Variants in MAML3 observed in about 807,000 individuals in gnomAD.
MAML3 encodes the protein mastermind like transcriptional coactivator 3, also known as mastermind-like protein 3.
Under a neutral mutation model 101.9 loss-of-function variants are expected in MAML3, and 27 were observed. The observed-to-expected ratio is 0.27, with a 90% CI of 0.20 to 0.37. The LOEUF is 0.37. Among genes scored for constraint, MAML3 ranks in the 10% least tolerant of loss-of-function variants. The pLI is 1.00. For synonymous variants in MAML3, 501 were observed against 555.9 expected (o/e 0.90, Z 1.39); for missense variants, 1,316 against 1,444.9 (o/e 0.91, Z 1.45).
chr4:140,113,939 GT>G (rs1331803198), intron 1 of MAML3, among the ~76,000 whole-genome samples: 1 of 152,058 alleles, frequency 6.6e-6, no homozygotes, highest in African/African-American at 2.4e-5. Context: ...CTCCCACCCC[GT>G]TTTACCCCAT....
At chr4:139,824,844 C>A (rs1270389189) in intron 2 of MAML3, among the ~76,000 whole-genome samples, 1 of 151,334 alleles carries the variant, frequency 6.6e-6, no homozygotes, top group Non-Finnish European at 1.5e-5. Flanking sequence ...CTACTTACCA[C>A]CCCCGCCCCA....
In MAML3 at chr4:139,718,000, G is replaced by A. The variant is rs72728790; in HGVS notation, c.*1323C>T. On this transcript the variant is annotated 3_prime_UTR_variant, in exon 5 of 5. Coordinates refer to ENST00000509479, the MANE Select transcript of MAML3 (RefSeq NM_018717.5). Reference sequence around the variant, plus strand: ...TTTCTATCCAAATTTGTAAGGTGGAGCAATTGCTTTTTTAGCTCCTCCACC... The same window carrying A: ...TTTCTATCCAAATTTGTAAGGTGGAACAATTGCTTTTTTAGCTCCTCCACC... 1.3e-5 allele frequency: 2 copies of A among 152,180 alleles called. No homozygotes were observed. Among genetic ancestry groups the A allele is most frequent in the Admixed American group, 6.5e-5 (1 of 15,280 alleles). The allele number at this position is 152,180 out of a possible 1,614,324, so 9.4% of individuals were successfully genotyped here.
chr4:140,142,479 A>G (rs1361634413), intron 1 of MAML3, among the ~76,000 whole-genome samples: 2 of 152,210 alleles, frequency 1.3e-5, no homozygotes, highest in East Asian at 1.9e-4. Flanking sequence ...TCCCTCTCCA[A>G]TGTTCCAGCC....
rs72714207 is a variant in MAML3 at position 140,063,171 on chromosome 4, C to T, written c.468+89689G>A. Among the ~76,000 whole-genome samples the T allele has an allele frequency of 7.8e-3, 1,194 of 152,150 alleles. 8 individuals carry two copies. Among genetic ancestry groups the T allele is most frequent in the Middle Eastern group, 0.014 (4 of 294 alleles). On this transcript the variant is annotated intron_variant, in intron 1 of 4. Coordinates refer to ENST00000509479, the MANE Select transcript of MAML3 (RefSeq NM_018717.5). ...AAGAAGCATGGCCAGAACTCAAGTT[C>T]GCTGGATTTCAAAGCCAAACAATTT...
intron 1 of MAML3, among the ~76,000 whole-genome samples, chr4:139,963,986 A>G (rs1421262572): frequency 6.6e-6 from 1 of 152,250 alleles, no homozygotes; most frequent in Non-Finnish European, 1.5e-5. Flanking sequence ...AAGATAGGCC[A>G]TTAATGACTT....
intron 2 of MAML3, among the ~76,000 whole-genome samples, chr4:139,775,256 C>T (rs1730071443): frequency 6.6e-6 from 1 of 152,170 alleles, no homozygotes; most frequent in Admixed American, 6.5e-5. Flanking sequence ...AGGTAATAAA[C>T]ATTTTACTGC....
intron 1 of MAML3, among the ~76,000 whole-genome samples, chr4:139,989,902 A>AAG (rs1201147049): frequency 7.7e-6 from 1 of 130,048 alleles, no homozygotes; most frequent in East Asian, 2.1e-4. Context: ...GAGAGAGAGA[A>AAG]AGAGAGAGAG....
At chr4:139,765,301 A>G (rs1729836181) in intron 2 of MAML3, among the ~76,000 whole-genome samples, 1 of 152,246 alleles carries the variant, frequency 6.6e-6, no homozygotes, top group African/African-American at 2.4e-5. Flanking sequence ...AAATGAAATT[A>G]CTTGCTGTTT....
intron 2 of MAML3, among the ~76,000 whole-genome samples, chr4:139,771,943 TA>T (rs11379203): frequency 0.066 from 9,120 of 138,306 alleles, 366 homozygotes; most frequent in African/African-American, 0.13. Context: ...CTACTTAAAG[TA>T]AAAAAAAAAA....
chr4:139,799,911 C>A (rs755856774), intron 2 of MAML3, among the ~76,000 whole-genome samples: 20 of 152,074 alleles, frequency 1.3e-4, no homozygotes, highest in Non-Finnish European at 1.2e-4. Context: ...AGTATTTACC[C>A]TCTTAAGTTT....
intron 1 of MAML3, among the ~76,000 whole-genome samples, chr4:139,949,568 T>C (rs1011583374): frequency 6.6e-5 from 10 of 152,210 alleles, no homozygotes; most frequent in African/African-American, 2.4e-4. Flanking sequence ...GAAATACCCA[T>C]CATTTGATAC....
At chr4:139,940,872 T>C (rs927464757) in intron 1 of MAML3, among the ~76,000 whole-genome samples, 9 of 152,176 alleles carry the variant, frequency 5.9e-5, no homozygotes, top group African/African-American at 1.2e-4. Context: ...TACCAGGGAA[T>C]TGCTGTTGAT....
rs1270044678 is a variant in MAML3 at position 139,716,932 on chromosome 4, G to A, written c.*2391C>T. On this transcript the variant is annotated 3_prime_UTR_variant, in exon 5 of 5. Coordinates refer to ENST00000509479, the MANE Select transcript of MAML3 (RefSeq NM_018717.5). ...GAATAAAATGGAGCAAGTTGCCAGA[G>A]GTCATACAGTACAAATTAGTAATTA... 6.6e-6 allele frequency: 1 copy of A among 152,510 alleles called. No homozygotes were observed. The highest frequency in any genetic ancestry group is 2.4e-5 in the African/African-American group (1 of 41,404). The allele number at this position is 152,510 out of a possible 1,614,324, so 9.4% of individuals were successfully genotyped here. A position where few individuals can be genotyped will look rare whatever the true frequency, so the allele number is the denominator to read the frequency against.
At chr4:139,909,294 T>A (rs1327636739) in intron 1 of MAML3, among the ~76,000 whole-genome samples, 1 of 152,234 alleles carries the variant, frequency 6.6e-6, no homozygotes, top group Non-Finnish European at 1.5e-5. Context: ...AGGAAATTAC[T>A]CAGCCCTCTG....
At chr4:140,095,952 A>G (rs1387853436) in intron 1 of MAML3, among the ~76,000 whole-genome samples, 6 of 152,238 alleles carry the variant, frequency 3.9e-5, no homozygotes, top group Admixed American at 3.9e-4. Flanking sequence ...GGGACTGGGT[A>G]ATATTTCCCT....
At chr4:139,951,589 C>T (rs1338307337) in intron 1 of MAML3, among the ~76,000 whole-genome samples, 1 of 152,166 alleles carries the variant, frequency 6.6e-6, no homozygotes, top group Admixed American at 6.5e-5. Context: ...ATTCCCTCTA[C>T]CACCTTAGGT....
intron 1 of MAML3, among the ~76,000 whole-genome samples, chr4:140,027,036 C>T (rs1726837294): frequency 6.7e-6 from 1 of 149,592 alleles, no homozygotes; most frequent in Non-Finnish European, 1.5e-5. Flanking sequence ...TTTACCTTAA[C>T]ACAAGAAAGA....
chr4:139,831,760 G>A (rs1365306164), intron 2 of MAML3, among the ~76,000 whole-genome samples: 1 of 151,744 alleles, frequency 6.6e-6, no homozygotes, highest in African/African-American at 2.4e-5. Flanking sequence ...GAGGAACAAA[G>A]GCCAGCACTA....
intron 1 of MAML3, among the ~76,000 whole-genome samples, chr4:140,030,538 T>A (rs995921940): frequency 6.6e-6 from 1 of 152,210 alleles, no homozygotes; most frequent in Non-Finnish European, 1.5e-5. Context: ...CTCCCACCTT[T>A]TCCTTTTTGT....
Sources: gnomAD v4.1 joint callset for allele counts (sites outside exome capture counted in the v4.1 genomes callset) on GRCh38, gnomAD v4.1.1 for gene constraint, MANE v1.5 for transcripts, NCBI Gene and HGNC (gene_info 2026-07-23, HGNC 2026-07-21) for gene names.